Variants in SDK1 observed in about 807,000 individuals in gnomAD.
SDK1 encodes protein sidekick-1.
SDK1 carries 157 observed loss-of-function variants against 245.5 expected under a neutral mutation model. That is an observed-to-expected ratio of 0.64 (90% CI 0.56 to 0.73). SDK1 has a LOEUF of 0.73. Ranked by LOEUF, SDK1 falls within the 30% of genes least tolerant of loss-of-function variation. The pLI, the probability that SDK1 is intolerant of heterozygous loss-of-function variation, is 0.00. For missense variants in SDK1, 3,583 were observed against 3,002.3 expected (o/e 1.19, Z -4.52); for synonymous variants, 1,647 against 1,278.5 (o/e 1.29, Z -6.15).
intron 4 of SDK1, among the ~76,000 whole-genome samples, chr7:3,662,331 A>G (rs1783391187): frequency 6.6e-6 from 1 of 152,174 alleles, no homozygotes; most frequent in South Asian, 2.1e-4. Context: ...CTGTCTGGTT[A>G]CACAAAAGAT....
chr7:3,611,311 T>C (rs1002444397), intron 1 of SDK1, among the ~76,000 whole-genome samples: 3 of 152,128 alleles, frequency 2.0e-5, no homozygotes, highest in Non-Finnish European at 2.9e-5. Context: ...AATTACATAG[T>C]TTGGGAATTA....
At chr7:3,723,339 A>G (rs1448913773) in intron 4 of SDK1, among the ~76,000 whole-genome samples, 2 of 152,238 alleles carry the variant, frequency 1.3e-5, no homozygotes, top group East Asian at 3.8e-4. Flanking sequence ...AGCAATTTTT[A>G]TATCTTAAAT....
chr7:3,474,740 C>A (rs1326051881), intron 1 of SDK1, among the ~76,000 whole-genome samples: 1 of 152,074 alleles, frequency 6.6e-6, no homozygotes, highest in Non-Finnish European at 1.5e-5. Flanking sequence ...ACCCAGGCTG[C>A]AGTGCAGTGG....
chr7:4,145,194 C>T (rs1255295625), intron 28 of SDK1, among the ~76,000 whole-genome samples: 4 of 152,102 alleles, frequency 2.6e-5, no homozygotes, highest in Non-Finnish European at 4.4e-5. Flanking sequence ...GCCGGATGGA[C>T]GTTGCTGGGG....
At chr7:3,842,825 C>A (rs1780191880) in intron 5 of SDK1, among the ~76,000 whole-genome samples, 3 of 152,116 alleles carry the variant, frequency 2.0e-5, no homozygotes, top group Admixed American at 6.5e-5. Flanking sequence ...CTATCTGAAT[C>A]TGTAGAGCAA....
At chr7:3,668,485 A>G (rs1783603194) in intron 4 of SDK1, among the ~76,000 whole-genome samples, 1 of 152,150 alleles carries the variant, frequency 6.6e-6, no homozygotes, top group Admixed American at 6.5e-5. Context: ...TAAAAACTAT[A>G]TTGCCTTGGG....
intron 19 of SDK1, among the ~76,000 whole-genome samples, chr7:4,062,676 C>G (rs921663968): frequency 6.6e-6 from 1 of 152,072 alleles, no homozygotes; most frequent in African/African-American, 2.4e-5. Flanking sequence ...GTCCATTATC[C>G]CTGATGAACA....
intron 1 of SDK1, among the ~76,000 whole-genome samples, chr7:3,611,026 A>C (rs1290518829): frequency 6.6e-6 from 1 of 152,236 alleles, no homozygotes; most frequent in Non-Finnish European, 1.5e-5. Context: ...TGTTTGAAAT[A>C]AGAGATATAT....
intron 4 of SDK1, among the ~76,000 whole-genome samples, chr7:3,787,173 C>A (rs911736946): frequency 2.0e-5 from 3 of 151,654 alleles, no homozygotes; most frequent in Non-Finnish European, 2.9e-5. Flanking sequence ...CACACACACA[C>A]ACACACACAC....
chr7:3,374,076 C>CT (rs1028417269), intron 1 of SDK1, among the ~76,000 whole-genome samples: 4 of 151,898 alleles, frequency 2.6e-5, no homozygotes, highest in Admixed American at 6.6e-5. Flanking sequence ...GTGGATTTTT[C>CT]TTTTTTTTAA....
chr7:3,913,262 C>T (rs998256353), intron 5 of SDK1, among the ~76,000 whole-genome samples: 11 of 151,918 alleles, frequency 7.2e-5, no homozygotes, highest in Non-Finnish European at 8.8e-5. Context: ...CCTTCCCTCT[C>T]CCCTCCTCTG....
At chr7:3,888,914 C>G (rs1429603237) in intron 5 of SDK1, among the ~76,000 whole-genome samples, 1 of 152,140 alleles carries the variant, frequency 6.6e-6, no homozygotes, top group Non-Finnish European at 1.5e-5. Flanking sequence ...CTAAAAATTG[C>G]AAGAGTGTTA....
chr7:3,608,510 C>T (rs1322103101), intron 1 of SDK1, among the ~76,000 whole-genome samples: 1 of 152,162 alleles, frequency 6.6e-6, no homozygotes, highest in African/African-American at 2.4e-5. Context: ...AAAAATTGAG[C>T]TCATAAGTAA....
chr7:3,736,827 T>A (rs1779330172), intron 4 of SDK1, among the ~76,000 whole-genome samples: 1 of 152,206 alleles, frequency 6.6e-6, no homozygotes, highest in South Asian at 2.1e-4. Context: ...TCTAACAAAC[T>A]TCAAATGTAC....
At chr7:4,113,139 A>T (rs1194376445) in intron 23 of SDK1, 150 bp from the exon 24 acceptor site, 1 of 845,568 alleles carries the variant, frequency 1.2e-6, no homozygotes, top group Non-Finnish European at 1.8e-6. Context: ...AACCAGGTGA[A>T]AAGAGGGTGT....
At chr7:4,248,381 A>G (rs1338348874) in intron 44 of SDK1, among the ~76,000 whole-genome samples, 1 of 146,084 alleles carries the variant, frequency 6.8e-6, no homozygotes, top group Non-Finnish European at 1.5e-5. Flanking sequence ...ACATACACCT[A>G]AATACACATA....
chr7:3,368,329 C>A (rs1781141943), intron 1 of SDK1, among the ~76,000 whole-genome samples: 1 of 152,182 alleles, frequency 6.6e-6, no homozygotes, highest in Non-Finnish European at 1.5e-5. Flanking sequence ...ACTTGTTCTC[C>A]CATTAGGCTG....
At chr7:4,241,030 ATGT>A (rs1460671116) in intron 42 of SDK1, among the ~76,000 whole-genome samples, 2 of 152,232 alleles carry the variant, frequency 1.3e-5, no homozygotes, top group East Asian at 3.9e-4. Context: ...ATTATTTTTT[ATGT>A]TGTTCGGTTT....
At chr7:3,363,443 T>C (rs772018732) in intron 1 of SDK1, among the ~76,000 whole-genome samples, 3 of 152,236 alleles carry the variant, frequency 2.0e-5, no homozygotes, top group Non-Finnish European at 2.9e-5. Flanking sequence ...CTATAGATTT[T>C]ATTGTGTATC....
Sources: allele counts gnomAD v4.1 joint callset (sites outside exome capture counted in the v4.1 genomes callset), GRCh38; gene constraint gnomAD v4.1.1; transcripts MANE v1.5; gene names NCBI Gene and HGNC (gene_info 2026-07-23, HGNC 2026-07-21).